Variants in SMIM24 observed in about 807,000 individuals in gnomAD.
SMIM24 encodes MAP17-related dimer.
A neutral mutation model predicts 10.8 loss-of-function variants in SMIM24; 6 were observed. That is an observed-to-expected ratio of 0.55 (90% CI 0.30 to 1.09). The LOEUF is 1.09. SMIM24 is among the 50% of genes least tolerant of loss of function. The pLI, the probability that SMIM24 is intolerant of heterozygous loss-of-function variation, is 0.06. For missense variants in SMIM24, 151 were observed against 153.4 expected (o/e 0.98, Z 0.08); for synonymous variants, 71 against 62.4 (o/e 1.14, Z -0.65).
At chr19:3,477,267 A>G (rs754944039) in intron 3 of SMIM24, among the ~76,000 whole-genome samples, 558 of 26,120 alleles carry the variant, frequency 0.021, 5 homozygotes, top group Middle Eastern at 0.12. Flanking sequence ...GGGATGGGTG[A>G]GTGGATGGAT....
At chr19:3,479,784 G>A (rs966841311) in intron 1 of SMIM24, among the ~76,000 whole-genome samples, 3 of 144,904 alleles carry the variant, frequency 2.1e-5, no homozygotes, top group Non-Finnish European at 4.6e-5. Context: ...TAAAGAAGGA[G>A]GAGCTCAGAG....
At chr19:3,475,809 C>T (rs917757532) in intron 3 of SMIM24, among the ~76,000 whole-genome samples, 6 of 142,542 alleles carry the variant, frequency 4.2e-5, no homozygotes, top group East Asian at 2.2e-4. Context: ...TGTGGGTGGG[C>T]GGATGATGGC....
chr19:3,480,079 C>G (rs887940441), intron 1 of SMIM24, among the ~76,000 whole-genome samples: 1 of 148,830 alleles, frequency 6.7e-6, no homozygotes, highest in Admixed American at 6.8e-5. Context: ...GGCGGGGACT[C>G]AGATGGGGAG....
chr19:3,479,449 T>C (rs1434508448), intron 1 of SMIM24, among the ~76,000 whole-genome samples: 1 of 140,100 alleles, frequency 7.1e-6, no homozygotes, highest in East Asian at 2.3e-4. Context: ...TGGGGGGAGC[T>C]TATAAAAGGA....
rs2082787357 is a variant in SMIM24, at chr19:3,475,091, T to C, written c.240-95A>G. ...GAGCCAGCCCATGTGATGAGTATTT[T>C]ACAAGCGGTATCTCAGTGAATCTTC... is the stretch of plus-strand genomic sequence containing the variant. On this transcript the variant is annotated intron_variant, in intron 3 of 3. Coordinates refer to ENST00000215531, the MANE Select transcript of SMIM24 (RefSeq NM_001136503.2). 9 of 1,345,454 alleles carry C rather than the reference T, an allele frequency of 6.7e-6. No homozygotes were observed. In the Admixed American group the frequency reaches 2.2e-4, roughly 33 times the overall value. 83.3% of individuals were successfully genotyped at this position (1,345,454 alleles called of 1,614,324 possible). A position where few individuals can be genotyped will look rare whatever the true frequency, so the allele number is the denominator to read the frequency against.
Position 3,480,380 on chromosome 19 carries a change from C to T in SMIM24, c.67+17G>A, listed in dbSNP as rs1171753134. The T allele has an allele frequency of 2.6e-6, 4 of 1,523,124 alleles. No individual in the cohort carries two copies. Among genetic ancestry groups the T allele is most frequent in the Admixed American group, 4.4e-5 (2 of 45,096 alleles). The allele number at this position is 1,523,124 out of a possible 1,614,324, so 94.4% of individuals were successfully genotyped here. On this transcript the variant is annotated intron_variant, in intron 1 of 3. Transcript: ENST00000215531. ...TCCCCTATCCCGCGACGCCCCCTCC[C>T]GCCCCCCTGCACCTACCCTGCTGGG...
At position 3,478,919 on chromosome 19, in the gene SMIM24, ATGCTCCG is replaced by A. The variant is rs1385007372; in HGVS notation, c.71_77del (p.Thr24IlefsTer3). The A allele has an allele frequency of 6.5e-7, 1 of 1,549,626 alleles. No individual in the cohort carries two copies. The highest frequency in any genetic ancestry group is 1.4e-5 in the African/African-American group (1 of 72,946). On this transcript the variant is annotated frameshift_variant, in exon 2 of 4. Transcript: ENST00000215531. LOFTEE classifies it high-confidence loss of function. The stretch of plus-strand genomic sequence containing the variant: ...GGCCCACCAGCCACGGCTTCAGGCG[ATGCTCCG>A]TGGCTGCAGGAAGTTGGGGAGGTTC...
chr19:3,475,306 G>A (rs1157910918), intron 3 of SMIM24, among the ~76,000 whole-genome samples: 1 of 152,136 alleles, frequency 6.6e-6, no homozygotes, highest in Non-Finnish European at 1.5e-5. Flanking sequence ...GCAGTGGCTG[G>A]ACAGATGATA....
chr19:3,474,413 G>T lies in SMIM24; in HGVS notation c.*430C>A, dbSNP rs371136233. ...GAGATGACAGGAGCCCTTCCAAAGG[G>T]CTGTTACGAATGCTTTAATGCAGGC... On this transcript the variant is annotated 3_prime_UTR_variant, in exon 4 of 4. Coordinates refer to ENST00000215531, the MANE Select transcript of SMIM24 (RefSeq NM_001136503.2). The T allele has an allele frequency of 1.2e-5, 2 of 165,454 alleles. No individual in the cohort carries two copies. The highest frequency in any genetic ancestry group is 3.3e-4 in the East Asian group (2 of 5,982). 10.2% of individuals were successfully genotyped at this position (165,454 alleles called of 1,614,324 possible). A position where few individuals can be genotyped will look rare whatever the true frequency, so the allele number is the denominator to read the frequency against.
chr19:3,477,535 G>A (rs891939373), intron 3 of SMIM24, among the ~76,000 whole-genome samples: 11 of 148,562 alleles, frequency 7.4e-5, no homozygotes, highest in African/African-American at 2.7e-4. Context: ...GGATGGGTGA[G>A]TGGGTAGATG....
chr19:3,479,775 AAAG>A (rs1238475849), intron 1 of SMIM24, among the ~76,000 whole-genome samples: 3 of 127,204 alleles, frequency 2.4e-5, no homozygotes, highest in African/African-American at 6.1e-5. Context: ...AGGGGCTTAT[AAAG>A]AAGGAGGAGC....
intron 3 of SMIM24, 22 bp downstream of exon 3, chr19:3,478,397 C>T: frequency 6.5e-7 from 1 of 1,545,826 alleles, no homozygotes; most frequent in Non-Finnish European, 8.7e-7. Flanking sequence ...ACACAGACCC[C>T]CAGCATCCGC....
intron 1 of SMIM24, among the ~76,000 whole-genome samples, chr19:3,479,404 G>A (rs1301732665): frequency 1.4e-5 from 2 of 148,124 alleles, no homozygotes; most frequent in African/African-American, 5.0e-5. Flanking sequence ...ATAAAGAAGA[G>A]TCTGGGGGGT....
At chr19:3,478,789 G>A in intron 2 of SMIM24, 29 bp downstream of exon 2, 1 of 1,510,054 alleles carries the variant, frequency 6.6e-7, no homozygotes, top group Non-Finnish European at 9.0e-7. Flanking sequence ...CAGGGCTGTG[G>A]GGGCAGCGGG....
chr19:3,475,076 A>G, intron 3 of SMIM24, 80 bp from the exon 4 acceptor site: 1 of 1,436,840 alleles, frequency 7.0e-7, no homozygotes, highest in Non-Finnish European at 9.4e-7. Context: ...GAGCCAGCCC[A>G]TGTGATGAGT....
intron 3 of SMIM24, among the ~76,000 whole-genome samples, chr19:3,475,454 T>C (rs1481743867): frequency 6.6e-6 from 1 of 150,768 alleles, no homozygotes; most frequent in Non-Finnish European, 1.5e-5. Flanking sequence ...AGTGGGTGGG[T>C]GGATGGATGA....
rs1395799960 is a variant in SMIM24, at chr19:3,478,486, G to T, written c.180-8C>A. The stretch of plus-strand genomic sequence containing the variant: ...TCCTCCTCGTCCTCAGCCCTGCAGA[G>T]ATAAAGGGAAAGGTGGAAGGGGGCG... On this transcript the variant is annotated splice_region_variant and splice_polypyrimidine_tract_variant and intron_variant, in intron 2 of 3. Transcript: ENST00000215531. 3 of 1,544,820 alleles carry T rather than the reference G, an allele frequency of 1.9e-6. No homozygotes were observed. Among genetic ancestry groups the T allele is most frequent in the Non-Finnish European group, 2.6e-6 (3 of 1,145,080 alleles).
chr19:3,476,271 A>G (rs975213388), intron 3 of SMIM24, among the ~76,000 whole-genome samples: 1 of 152,046 alleles, frequency 6.6e-6, no homozygotes, highest in Non-Finnish European at 1.5e-5. Flanking sequence ...TGGATCAATG[A>G]GCTAATGGAT....
chr19:3,476,074 T>A (rs1211618336), intron 3 of SMIM24, among the ~76,000 whole-genome samples: 2 of 151,994 alleles, frequency 1.3e-5, no homozygotes, highest in African/African-American at 4.8e-5. Context: ...TATAGATGGA[T>A]GTATAGATCA....
Sources: gnomAD v4.1 joint callset for allele counts (sites outside exome capture counted in the v4.1 genomes callset) on GRCh38, gnomAD v4.1.1 for gene constraint, MANE v1.5 for transcripts, NCBI Gene and HGNC (gene_info 2026-07-23, HGNC 2026-07-21) for gene names.